RPL13A: variants seen among roughly 807,000 people sequenced by gnomAD.
RPL13A encodes ribosomal protein L13a.
RPL13A carries 4 observed loss-of-function variants against 30.8 expected under a neutral mutation model. That is an observed-to-expected ratio of 0.13 (90% CI 0.06 to 0.30). The LOEUF (loss-of-function observed/expected upper bound fraction) is 0.30, where lower values mean the gene tolerates loss of function less well. Among genes scored for constraint, RPL13A ranks in the 10% least tolerant of loss-of-function variants. The probability of loss-of-function intolerance (pLI) is 1.00; values close to 1 mark genes in which losing one functional copy is unlikely to be tolerated. For synonymous variants in RPL13A, 108 were observed against 104.2 expected (o/e 1.04, Z -0.22); for missense variants, 196 against 272.6 (o/e 0.72, Z 1.98).
intron 1 of RPL13A, among the ~76,000 whole-genome samples, chr19:49,488,543 G>A (rs2681570): frequency 0.35 from 53,287 of 152,022 alleles, 15,008 homozygotes; most frequent in African/African-American, 0.78. Flanking sequence ...TGGTATCCTT[G>A]TTTTACAGAG....
intron 3 of RPL13A, 80 bp downstream of exon 3, chr19:49,490,377 T>C: frequency 6.3e-7 from 1 of 1,588,076 alleles, no homozygotes; most frequent in East Asian, 2.2e-5. Flanking sequence ...GCAGCCGTGT[T>C]GGGAGAGGCT....
chr19:49,491,228 C>T (rs181440388), intron 6 of RPL13A, 129 bp downstream of exon 6: 44 of 1,274,522 alleles, frequency 3.5e-5, no homozygotes, highest in East Asian at 1.1e-4. Context: ...GTGGGAATGG[C>T]GACAATGCCA....
At chr19:49,491,586 C>G (rs1452063168) in intron 7 of RPL13A, 39 bp downstream of exon 7, 1 of 1,553,958 alleles carries the variant, frequency 6.4e-7, no homozygotes, top group Non-Finnish European at 8.7e-7. Flanking sequence ...GCATCTCACT[C>G]CTGGACAGGC....
At position 49,490,300 on chromosome 19, in the gene RPL13A, A is replaced by G. The variant is rs764330756; in HGVS notation, c.154+3A>G. 4 of 1,613,898 alleles carry G rather than the reference A, an allele frequency of 2.5e-6. No individual in the cohort carries two copies. The highest frequency in any genetic ancestry group is 1.7e-5 in the Admixed American group (1 of 59,996). On this transcript the variant is annotated splice_donor_region_variant and intron_variant, in intron 3 of 7. Coordinates refer to ENST00000391857, the MANE Select transcript of RPL13A (RefSeq NM_012423.4). ...TGGCAATTTCTACAGAAACAAGTGTAAGTTAGGACCTGGGAGGAGCACTGG... is the reference window on the plus strand; with the variant it reads ...TGGCAATTTCTACAGAAACAAGTGTGAGTTAGGACCTGGGAGGAGCACTGG...
At chr19:49,488,722 C>G (rs1017118159) in intron 1 of RPL13A, among the ~76,000 whole-genome samples, 4 of 152,194 alleles carry the variant, frequency 2.6e-5, no homozygotes, top group African/African-American at 9.7e-5. Context: ...AGTGTTTTTT[C>G]TGAGACGGAG....
intron 3 of RPL13A, 32 bp from the exon 4 acceptor site, chr19:49,490,443 T>G: frequency 6.2e-7 from 1 of 1,608,708 alleles, no homozygotes; most frequent in African/African-American, 1.3e-5. Context: ...GCTGGTAGAC[T>G]GGGCAGGCCT....
At chr19:49,490,727 T>C in intron 4 of RPL13A, 52 bp from the exon 5 acceptor site, 1 of 1,601,228 alleles carries the variant, frequency 6.2e-7, no homozygotes, top group African/African-American at 1.3e-5. Context: ...GTGGGGTGGG[T>C]GGGCATCCTT....
Position 49,491,091 on chromosome 19 carries a change from A to C in RPL13A, c.394A>C (p.Thr132Pro), listed in dbSNP as rs764797167. Residue 132 changes from threonine to proline, a missense_variant, in exon 6 of 8, where the codon ACA becomes CCA. By Grantham distance (38) the Thr-to-Pro change is conservative. Coordinates refer to ENST00000391857, the MANE Select transcript of RPL13A (RefSeq NM_012423.4). ...CCTCAAGGTCGTGCGTCTGAAGCCT[A>C]CAAGAAAGGTGAGTCCCAGCTTACG... Reference protein sequence around the residue: ...AALKVVRLKPTRKFAYLGRLA... With the variant: ...AALKVVRLKPPRKFAYLGRLA... 3.7e-6 allele frequency: 6 copies of C among 1,614,148 alleles called. No individual in the cohort carries two copies. The highest frequency in any genetic ancestry group is 5.1e-6 in the Non-Finnish European group (6 of 1,180,044).
In RPL13A at chr19:49,489,880, C is replaced by T. The variant is rs555514568; in HGVS notation, c.46C>T (p.Leu16=). 2.8e-4 allele frequency: 452 copies of T among 1,614,192 alleles called. 2 individuals carry two copies. The South Asian group carries it at 4.7e-3, about 17-fold the overall frequency. The change falls in exon 2 of 8, where the codon CTG becomes TTG. Residue 16 remains leucine, a synonymous_variant. Transcript: ENST00000391857. ...GGTGCTTGATGGTCGAGGCCATCTC[C>T]TGGGCCGCCTGGCGGCCATCGTGGC... ...VLVLDGRGHL[L]GRLAAIVAKQ...
At position 49,490,927 on chromosome 19, in the gene RPL13A, T is replaced by C. The variant is rs2079860836; in HGVS notation, c.342+63T>C. ...TGTGGCGTCCATGATGTTCCGCAAC[T>C]ACCTACATTGTTTGATCCTCATGAA... On this transcript the variant is annotated intron_variant, in intron 5 of 7. Transcript: ENST00000391857. 3.1e-6 allele frequency: 5 copies of C among 1,604,676 alleles called. No individual in the cohort carries two copies. The African/African-American group carries it at 5.3e-5, about 17-fold the overall frequency.
rs1442806341 is a variant in RPL13A at position 49,491,791 on chromosome 19, C to G, written c.588C>G (p.Leu196=). 1 of 1,611,086 alleles carries G rather than the reference C, an allele frequency of 6.2e-7. No homozygotes were observed. Among genetic ancestry groups the G allele is most frequent in the Admixed American group, 1.7e-5 (1 of 59,792 alleles). Reference sequence around the variant, plus strand: ...AAATTGACAAATACACAGAGGTCCTCAAGACCCACGGACTCCTGGTCTGAG... The same window carrying G: ...AAATTGACAAATACACAGAGGTCCTGAAGACCCACGGACTCCTGGTCTGAG... ...EKKIDKYTEV[L]KTHGLLV The change falls in exon 8 of 8, where the codon CTC becomes CTG. Residue 196 remains leucine, a synonymous_variant. Transcript: ENST00000391857.
At chr19:49,489,746 AGGCACGCTGTT>A in intron 1 of RPL13A, 93 bp from the exon 2 acceptor site, 1 of 920,550 alleles carries the variant, frequency 1.1e-6, no homozygotes, top group Non-Finnish European at 1.8e-6. Context: ...GCTGGGTGCA[AGGCACGCTGTT>A]GGCACGGTAG....
rs201520359 is a variant in RPL13A at position 49,489,842 on chromosome 19, T to A, written c.16-8T>A. Reference sequence around the variant, plus strand: ...GTCTCTGAGTCCTTTTGCCCTTGTCTCCCACAGGTCCTGGTGCTTGATGGT... The same window carrying A: ...GTCTCTGAGTCCTTTTGCCCTTGTCACCCACAGGTCCTGGTGCTTGATGGT... On this transcript the variant is annotated splice_region_variant and splice_polypyrimidine_tract_variant and intron_variant, in intron 1 of 7. Transcript: ENST00000391857. The A allele has an allele frequency of 1.1e-5, 17 of 1,612,270 alleles. No individual in the cohort carries two copies. Among genetic ancestry groups the A allele is most frequent in the Middle Eastern group, 3.3e-4 (2 of 6,080 alleles).
intron 5 of RPL13A, 76 bp downstream of exon 5, chr19:49,490,940 T>G (rs768243029): frequency 6.2e-7 from 1 of 1,604,164 alleles, no homozygotes; most frequent in East Asian, 2.2e-5. Context: ...CTACATTGTT[T>G]GATCCTCATG....
At position 49,490,819 on chromosome 19, in the gene RPL13A, G is replaced by A. The variant is rs2079859114; in HGVS notation, c.297G>A (p.Leu99=). ...AAACCAAGCGAGGCCAGGCCGCTCT[G>A]GACCGTCTCAAGGTGTTTGACGGCA... is the stretch of plus-strand genomic sequence containing the variant. ...PHKTKRGQAA[L]DRLKVFDGIP... is the part of the protein sequence containing the mutation. Residue 99 remains leucine (L), a synonymous_variant, in exon 5 of 8, where the codon CTG becomes CTA. Transcript: ENST00000391857. The A allele has an allele frequency of 2.5e-6, 4 of 1,614,038 alleles. No homozygotes were observed. In the African/African-American group the frequency reaches 4.0e-5, roughly 16 times the overall value.
At position 49,487,634 on chromosome 19, in the gene RPL13A, C is replaced by T. The variant is rs570610827; in HGVS notation, c.5C>T (p.Ala2Val). The T allele has an allele frequency of 3.6e-5, 57 of 1,572,082 alleles. No homozygotes were observed. The East Asian group carries it at 4.0e-4, about 11-fold the overall frequency. ...TTTTCCAAGCGGCTGCCGAAGATGG[C>T]GGAGGTGCAGGTATGGGCTCCGCGC... M[A>V]EVQVLVLDGR... Residue 2 changes from alanine (A) to valine (V), a missense_variant, in exon 1 of 8, where the codon GCG (alanine) becomes GTG (valine). By Grantham distance (64) the Ala-to-Val change is moderately conservative. Coordinates refer to ENST00000391857, the MANE Select transcript of RPL13A (RefSeq NM_012423.4).
In RPL13A at chr19:49,492,075, T is replaced by C. The variant is rs771825858; in HGVS notation, c.*260T>C. ...TATGAGTGAAAGGGAGCCAGAAGACTGATTGGAGGGCCCTATCTTGTGAGT... is the reference window on the plus strand; with the variant it reads ...TATGAGTGAAAGGGAGCCAGAAGACCGATTGGAGGGCCCTATCTTGTGAGT... On this transcript the variant is annotated 3_prime_UTR_variant, in exon 8 of 8. Coordinates refer to ENST00000391857, the MANE Select transcript of RPL13A (RefSeq NM_012423.4). 2.3e-6 allele frequency: 1 copy of C among 443,356 alleles called. No homozygotes were observed. Among genetic ancestry groups the C allele is most frequent in the Non-Finnish European group, 4.1e-6 (1 of 241,234 alleles). 27.5% of individuals were successfully genotyped at this position (443,356 alleles called of 1,614,324 possible). A position where few individuals can be genotyped will look rare whatever the true frequency, so the allele number is the denominator to read the frequency against.
At chr19:49,487,731 T>C (rs2079819349) in intron 1 of RPL13A, 87 bp downstream of exon 1, 1 of 1,342,294 alleles carries the variant, frequency 7.4e-7, no homozygotes, top group African/African-American at 1.5e-5. Flanking sequence ...CTTGCATGTT[T>C]TGCGGAGCTT....
At position 49,492,021 on chromosome 19, in the gene RPL13A, T is replaced by C; in HGVS notation, c.*206T>C. 1 of 549,828 alleles carries C rather than the reference T, an allele frequency of 1.8e-6. No homozygotes were observed. The highest frequency in any genetic ancestry group is 3.3e-6 in the Non-Finnish European group (1 of 305,322). 34.1% of individuals were successfully genotyped at this position (549,828 alleles called of 1,614,324 possible). ...GAGAATTGTGCAGGTGTCATTTATC[T>C]ATGACCAATAGGAAGAGCAACCAGT... is the stretch of plus-strand genomic sequence containing the variant. On this transcript the variant is annotated 3_prime_UTR_variant, in exon 8 of 8. Coordinates refer to ENST00000391857, the MANE Select transcript of RPL13A (RefSeq NM_012423.4).
Sources: gnomAD v4.1 joint callset for allele counts (sites outside exome capture counted in the v4.1 genomes callset) on GRCh38, gnomAD v4.1.1 for gene constraint, MANE v1.5 for transcripts, NCBI Gene and HGNC (gene_info 2026-07-23, HGNC 2026-07-21) for gene names.